Variants in RABL3 observed in about 807,000 individuals in gnomAD.
The protein encoded by RABL3 is RAB, member of RAS oncogene family like 3.
RABL3 carries 31 observed loss-of-function variants against 31.8 expected under a neutral mutation model. The ratio of observed to expected loss-of-function variants is 0.97; its 90% CI spans 0.73 to 1.31. RABL3 has a LOEUF of 1.31. Among genes scored for constraint, RABL3 ranks in the 40% most tolerant of loss-of-function variants. RABL3 has a pLI of 0.00. For missense variants in RABL3, 263 were observed against 279.6 expected (o/e 0.94, Z 0.42); for synonymous variants, 97 against 99.9 (o/e 0.97, Z 0.18).
chr3:120,741,940 C>A (rs72962651), intron 1 of RABL3, among the ~76,000 whole-genome samples: 3 of 152,304 alleles, frequency 2.0e-5, no homozygotes, highest in African/African-American at 7.2e-5. Flanking sequence ...TCATTTACAT[C>A]TCTCTGCCTC....
chr3:120,718,275 T>C (rs1283248019), intron 2 of RABL3, among the ~76,000 whole-genome samples: 1 of 152,172 alleles, frequency 6.6e-6, no homozygotes, highest in Non-Finnish European at 1.5e-5. Context: ...TCTAATTACC[T>C]TGGAGTTCAG....
chr3:120,732,181 C>T (rs1708891712), intron 1 of RABL3, among the ~76,000 whole-genome samples: 1 of 152,188 alleles, frequency 6.6e-6, no homozygotes, highest in African/African-American at 2.4e-5. Context: ...AACAATAAAA[C>T]AACATAAGCG....
intron 2 of RABL3, among the ~76,000 whole-genome samples, chr3:120,715,780 T>C (rs1245259911): frequency 6.6e-6 from 1 of 151,166 alleles, no homozygotes; most frequent in Non-Finnish European, 1.5e-5. Context: ...CAGTACAGAG[T>C]AGTGATCAGG....
intron 2 of RABL3, among the ~76,000 whole-genome samples, chr3:120,721,470 G>C (rs1204809280): frequency 1.3e-5 from 2 of 152,070 alleles, no homozygotes; most frequent in African/African-American, 4.8e-5. Flanking sequence ...TCAAAATAAA[G>C]GGATGGAAGA....
chr3:120,722,597 C>A (rs1295645544), intron 2 of RABL3: 1 of 152,066 alleles, frequency 6.6e-6, no homozygotes, highest in Non-Finnish European at 1.5e-5. Flanking sequence ...CTAACACTTA[C>A]AACAAAACTG....
chr3:120,739,604 T>G (rs899690033), intron 1 of RABL3, among the ~76,000 whole-genome samples: 2 of 152,186 alleles, frequency 1.3e-5, no homozygotes, highest in Non-Finnish European at 2.9e-5. Flanking sequence ...GTATGTGTAA[T>G]TGAATCAAAC....
chr3:120,726,456 T>C (rs1449583895), intron 2 of RABL3, among the ~76,000 whole-genome samples: 1 of 152,028 alleles, frequency 6.6e-6, no homozygotes, highest in Non-Finnish European at 1.5e-5. Context: ...TGCAACCCCA[T>C]CTGTATAAAA....
Position 120,736,220 on chromosome 3 carries a change from G to T in RABL3, c.47-5433C>A, listed in dbSNP as rs150138919. ...CTCCAAGGACTTGCTTTATGAATCT[G>T]GGTGCTCCTGTATTGGGTGCATATA... On this transcript the variant is annotated intron_variant, in intron 1 of 7. Coordinates refer to ENST00000273375, the MANE Select transcript of RABL3 (RefSeq NM_173825.5). Among the ~76,000 whole-genome samples, 1,160 of 152,282 alleles carry T rather than the reference G, an allele frequency of 7.6e-3. 15 individuals carry two copies. The highest frequency in any genetic ancestry group is 0.026 in the African/African-American group (1,100 of 41,540).
At chr3:120,722,830 C>A (rs546620939) in intron 2 of RABL3, among the ~76,000 whole-genome samples, 3 of 151,700 alleles carry the variant, frequency 2.0e-5, no homozygotes, top group African/African-American at 7.3e-5. Context: ...CACTAAATGC[C>A]CACAAGAGAA....
At chr3:120,716,555 T>C (rs1708671871) in intron 2 of RABL3, among the ~76,000 whole-genome samples, 2 of 151,924 alleles carry the variant, frequency 1.3e-5, no homozygotes, top group African/African-American at 4.8e-5. Flanking sequence ...ACATGGCACA[T>C]GTATACATAT....
At chr3:120,718,520 T>C (rs1459549314) in intron 2 of RABL3, among the ~76,000 whole-genome samples, 3 of 152,230 alleles carry the variant, frequency 2.0e-5, no homozygotes, top group Non-Finnish European at 4.4e-5. Context: ...GCAATATGAT[T>C]GCACTCCTTA....
At chr3:120,719,334 G>C (rs1576340773) in intron 2 of RABL3, among the ~76,000 whole-genome samples, 1 of 152,164 alleles carries the variant, frequency 6.6e-6, no homozygotes, top group Admixed American at 6.5e-5. Context: ...TCTCACTGGG[G>C]AGTGCCAGAC....
At chr3:120,713,400 T>C (rs1202349069) in intron 2 of RABL3, among the ~76,000 whole-genome samples, 1 of 152,258 alleles carries the variant, frequency 6.6e-6, no homozygotes, top group Admixed American at 6.5e-5. Context: ...CTAGTTATGA[T>C]GTTACATCTT....
At chr3:120,724,283 C>A (rs561667985) in intron 2 of RABL3, among the ~76,000 whole-genome samples, 1 of 152,280 alleles carries the variant, frequency 6.6e-6, no homozygotes, top group East Asian at 1.9e-4. Context: ...CAAACCACTG[C>A]TCAACGAAGT....
At chr3:120,717,404 G>C (rs1708684021) in intron 2 of RABL3, among the ~76,000 whole-genome samples, 1 of 152,026 alleles carries the variant, frequency 6.6e-6, no homozygotes, top group African/African-American at 2.4e-5. Context: ...TGTCTTTAAA[G>C]GAATCAATTA....
rs373296796 is a variant in RABL3 at position 120,693,108 on chromosome 3, C to T, written c.606+1045G>A. Among the ~76,000 whole-genome samples, 49 of 151,216 alleles carry T rather than the reference C, an allele frequency of 3.2e-4. 1 individual carries two copies. The East Asian group carries it at 4.5e-3, about 14-fold the overall frequency. On this transcript the variant is annotated intron_variant, in intron 6 of 7. Coordinates refer to ENST00000273375, the MANE Select transcript of RABL3 (RefSeq NM_173825.5). ...GGTTGCCAATCACCCAACCCCCCCA[C>T]CCTGAGGACCCTGGCTGCTCTGAGA...
intron 1 of RABL3, among the ~76,000 whole-genome samples, chr3:120,731,861 G>A (rs1242450374): frequency 6.6e-6 from 1 of 152,086 alleles, no homozygotes; most frequent in Non-Finnish European, 1.5e-5. Flanking sequence ...CGACCAGCCT[G>A]GGCAACATAG....
rs1437156470 is a variant in RABL3, at chr3:120,740,790, G to A, written c.46+1672C>T. On this transcript the variant is annotated intron_variant, in intron 1 of 7. Coordinates refer to ENST00000273375, the MANE Select transcript of RABL3 (RefSeq NM_173825.5). ...ACTTTGCACATAAAGGTTAACATTAGTGAATGTGTGACAACATCAATCACT... is the reference window on the plus strand; with the variant it reads ...ACTTTGCACATAAAGGTTAACATTAATGAATGTGTGACAACATCAATCACT... Among the ~76,000 whole-genome samples the A allele has an allele frequency of 2.0e-5, 3 of 152,302 alleles. No homozygotes were observed. The East Asian group carries it at 5.8e-4, about 29-fold the overall frequency.
intron 1 of RABL3, among the ~76,000 whole-genome samples, chr3:120,735,540 G>T (rs60860370): frequency 6.6e-6 from 1 of 151,718 alleles, no homozygotes. Flanking sequence ...GTGTCTCTAT[G>T]TCCTTCAGTT....
Sources: allele counts gnomAD v4.1 joint callset (sites outside exome capture counted in the v4.1 genomes callset), GRCh38; gene constraint gnomAD v4.1.1; transcripts MANE v1.5; gene names NCBI Gene and HGNC (gene_info 2026-07-23, HGNC 2026-07-21).